The following NUP93 variants were observed in gnomAD, a reference collection of about 807,000 sequenced individuals.
NUP93 encodes nuclear pore complex protein Nup93.
A neutral mutation model predicts 107.8 loss-of-function variants in NUP93; 55 were observed. That is an observed-to-expected ratio of 0.51 (90% CI 0.41 to 0.64). NUP93 has a LOEUF of 0.64. NUP93 is among the 30% of genes least tolerant of loss of function. The pLI, the probability that NUP93 is intolerant of heterozygous loss-of-function variation, is 0.00. For missense variants in NUP93, 937 were observed against 1,044.7 expected, an observed-to-expected ratio of 0.90 and a Z score of 1.42; for synonymous variants, 390 against 397.5, an observed-to-expected ratio of 0.98 and a Z score of 0.22.
At chr16:56,805,042 G>A (rs1281517290) in intron 4 of NUP93, among the ~76,000 whole-genome samples, 2 of 152,000 alleles carry the variant, frequency 1.3e-5, no homozygotes, top group East Asian at 3.9e-4. Context: ...GTCTTGCTCT[G>A]TTGCCCAGGT....
At position 56,780,783 on chromosome 16, in the gene NUP93, G is replaced by C. The variant is rs567228946; in HGVS notation, c.298-17693G>C. On this transcript the variant is annotated intron_variant, in intron 3 of 21. Coordinates refer to ENST00000308159, the MANE Select transcript of NUP93 (RefSeq NM_014669.5). ...ATTCTGCAGTATAGATGTTGGTTTT[G>C]CAACCAACAGATTGCAATCTTAGGG... 2.6e-5 allele frequency among the ~76,000 whole-genome samples: 4 copies of C among 152,226 alleles called. No homozygotes were observed. In the South Asian group the frequency reaches 8.3e-4, roughly 32 times the overall value.
At chr16:56,785,134 G>C (rs1962597791) in intron 3 of NUP93, among the ~76,000 whole-genome samples, 1 of 152,180 alleles carries the variant, frequency 6.6e-6, no homozygotes, top group African/African-American at 2.4e-5. Flanking sequence ...ACCTTGAAAT[G>C]AAAGAGTTTT....
At position 56,833,195 on chromosome 16, in the gene NUP93, T is replaced by C; in HGVS notation, c.1346-20T>C. 6.3e-7 allele frequency: 1 copy of C among 1,578,762 alleles called. No individual in the cohort carries two copies. The highest frequency in any genetic ancestry group is 8.6e-7 in the Non-Finnish European group (1 of 1,168,242). On this transcript the variant is annotated intron_variant, in intron 12 of 21. Transcript: ENST00000308159. ...TTCTTTCTAAGTTGGTTTTATCTCC[T>C]CTCCTCTCCTCTCTCCCAGGCGAGT...
At position 56,825,678 on chromosome 16, in the gene NUP93, T is replaced by C. The variant is rs187731542; in HGVS notation, c.794+1832T>C. 9.9e-5 allele frequency among the ~76,000 whole-genome samples: 15 copies of C among 152,276 alleles called. No homozygotes were observed. In the East Asian group the frequency reaches 2.3e-3, roughly 24 times the overall value. ...GTAAGCCAGTCCATTTCTTTTAGTC[T>C]TTTCGTTTAGTTTTAAAAATTATCT... On this transcript the variant is annotated intron_variant, in intron 8 of 21. Coordinates refer to ENST00000308159, the MANE Select transcript of NUP93 (RefSeq NM_014669.5).
At chr16:56,813,709 G>A (rs1416467892) in intron 5 of NUP93, among the ~76,000 whole-genome samples, 4 of 152,182 alleles carry the variant, frequency 2.6e-5, no homozygotes, top group Non-Finnish European at 2.9e-5. Context: ...ATATCTTATC[G>A]ATTTATTATC....
At chr16:56,748,483 T>C in intron 2 of NUP93, 57 bp downstream of exon 2, 1 of 1,422,228 alleles carries the variant, frequency 7.0e-7, no homozygotes, top group East Asian at 2.3e-5. Context: ...CAGGATCTGT[T>C]TCTTCTTTCC....
In NUP93 at chr16:56,844,802, T is replaced by TTC. The variant is rs1555498159; in HGVS notation, c.*193_*194insTC. ...CATTCTTTTATTTTCTTTTTTTTTT[T>TTC]CTTTGAAATTTTGTTTACATTTTTA... On this transcript the variant is annotated 3_prime_UTR_variant, in exon 22 of 22. Transcript: ENST00000308159. 6,699 of 330,576 alleles carry TTC rather than the reference T, an allele frequency of 0.02. 4 individuals carry two copies. Among genetic ancestry groups the TTC allele is most frequent in the East Asian group, 0.027 (510 of 19,240 alleles). 20.5% of individuals were successfully genotyped at this position (330,576 alleles called of 1,614,324 possible).
At chr16:56,737,979 G>A (rs1361085200) in intron 1 of NUP93, among the ~76,000 whole-genome samples, 2 of 152,222 alleles carry the variant, frequency 1.3e-5, no homozygotes, top group African/African-American at 4.8e-5. Flanking sequence ...CTTTGGGGCC[G>A]ACTTGGTGAT....
At chr16:56,808,229 A>T (rs1198312516) in intron 5 of NUP93, among the ~76,000 whole-genome samples, 161 of 61,876 alleles carry the variant, frequency 2.6e-3, no homozygotes, top group African/African-American at 9.0e-3. Context: ...AACTATATAA[A>T]ATATATAGTT....
intron 3 of NUP93, among the ~76,000 whole-genome samples, chr16:56,762,960 C>T (rs1437335800): frequency 2.0e-5 from 3 of 152,098 alleles, no homozygotes; most frequent in African/African-American, 7.2e-5. Flanking sequence ...ACCCTAAATC[C>T]AGGATAATCT....
intron 8 of NUP93, among the ~76,000 whole-genome samples, chr16:56,828,341 TAAG>T (rs2144624235): frequency 6.6e-6 from 1 of 152,270 alleles, no homozygotes; most frequent in Non-Finnish European, 1.5e-5. Flanking sequence ...AGGACACTAT[TAAG>T]AAATGTGGGT....
At chr16:56,756,892 A>G (rs2144478428) in intron 2 of NUP93, among the ~76,000 whole-genome samples, 1 of 152,300 alleles carries the variant, frequency 6.6e-6, no homozygotes, top group East Asian at 1.9e-4. Flanking sequence ...TCTAATAATC[A>G]GTGATATTGA....
chr16:56,834,790 G>A lies in NUP93; in HGVS notation c.1782+12G>A, dbSNP rs766717013. On this transcript the variant is annotated intron_variant, in intron 16 of 21. Transcript: ENST00000308159. The stretch of plus-strand genomic sequence containing the variant: ...ACGGAAGTAGAAAGGTGAGTTAAAT[G>A]CATCCTTAGAGAAATGTTCGTTAGC... The A allele has an allele frequency of 4.4e-6, 7 of 1,590,404 alleles. No individual in the cohort carries two copies. The highest frequency in any genetic ancestry group is 6.0e-6 in the Non-Finnish European group (7 of 1,160,280).
chr16:56,751,487 T>TG (rs1355513321), intron 2 of NUP93, among the ~76,000 whole-genome samples: 3 of 152,316 alleles, frequency 2.0e-5, no homozygotes, highest in African/African-American at 7.2e-5. Flanking sequence ...AAATAGTGAG[T>TG]GGCCAAGCCA....
At position 56,835,776 on chromosome 16, in the gene NUP93, C is replaced by G. The variant is rs1273228245; in HGVS notation, c.1783-825C>G. Among the ~76,000 whole-genome samples, 3 of 152,174 alleles carry G rather than the reference C, an allele frequency of 2.0e-5. No individual in the cohort carries two copies. The East Asian group carries it at 5.8e-4, about 29-fold the overall frequency. On this transcript the variant is annotated intron_variant, in intron 16 of 21. Transcript: ENST00000308159. ...CTCCCAGGGTGCCTAAGGCCTCTCTCATGCTCTCCTGACCATTTAGTTGCT... is the reference window on the plus strand; with the variant it reads ...CTCCCAGGGTGCCTAAGGCCTCTCTGATGCTCTCCTGACCATTTAGTTGCT...
intron 1 of NUP93, among the ~76,000 whole-genome samples, chr16:56,731,261 A>G (rs777855808): frequency 5.3e-5 from 8 of 152,152 alleles, no homozygotes; most frequent in Non-Finnish European, 1.2e-4. Context: ...ACATGCCAAG[A>G]GAGGGCTAGC....
At position 56,846,076 on chromosome 16, in the gene NUP93, C is replaced by CTGATTTAAGCTAATCAAA. The variant is rs1337929632; in HGVS notation, c.*1476_*1493dup. On this transcript the variant is annotated 3_prime_UTR_variant, in exon 22 of 22. Coordinates refer to ENST00000308159, the MANE Select transcript of NUP93 (RefSeq NM_014669.5). ...GCAAGTTGTGCCCTGCTTATATGTG[C>CTGATTTAAGCTAATCAAA]TGATTTAAGCTAATCAAATGATTTA... The CTGATTTAAGCTAATCAAA allele has an allele frequency of 2.6e-5, 4 of 152,134 alleles. No individual in the cohort carries two copies. Among genetic ancestry groups the CTGATTTAAGCTAATCAAA allele is most frequent in the African/African-American group, 9.7e-5 (4 of 41,420 alleles). The allele number at this position is 152,134 out of a possible 1,614,324, so 9.4% of individuals were successfully genotyped here. A position where few individuals can be genotyped will look rare whatever the true frequency, so the allele number is the denominator to read the frequency against.
At chr16:56,750,286 G>A (rs1034428439) in intron 2 of NUP93, among the ~76,000 whole-genome samples, 2 of 152,140 alleles carry the variant, frequency 1.3e-5, no homozygotes, top group African/African-American at 4.8e-5. Flanking sequence ...GCTGATGACT[G>A]TGTTTTTCCA....
At chr16:56,804,522 A>G (rs1222213152) in intron 4 of NUP93, among the ~76,000 whole-genome samples, 3 of 152,162 alleles carry the variant, frequency 2.0e-5, no homozygotes, top group African/African-American at 4.8e-5. Context: ...ACAGAAACAA[A>G]GTAGAGTGGT....
Sources: allele counts gnomAD v4.1 joint callset (sites outside exome capture counted in the v4.1 genomes callset), GRCh38; gene constraint gnomAD v4.1.1; transcripts MANE v1.5; gene names NCBI Gene and HGNC (gene_info 2026-07-23, HGNC 2026-07-21).